UGDH: variants seen among roughly 807,000 people sequenced by gnomAD.
UGDH encodes UDP-Glc dehydrogenase.
UGDH carries 38 observed loss-of-function variants against 50.6 expected under a neutral mutation model. That is an observed-to-expected ratio of 0.75 (90% CI 0.58 to 0.98). UGDH has a LOEUF of 0.98. UGDH is among the 50% of genes least tolerant of loss of function. UGDH has a pLI of 0.00. For synonymous variants in UGDH, 168 were observed against 199.9 expected, an observed-to-expected ratio of 0.84 and a Z score of 1.35; for missense variants, 465 against 606.2, an observed-to-expected ratio of 0.77 and a Z score of 2.45.
rs147149677 is a variant in UGDH at position 39,507,920 on chromosome 4, G to T, written c.906+646C>A. On this transcript the variant is annotated intron_variant, in intron 7 of 11. Transcript: ENST00000316423. ...ATGGCACCACTGCATTCTAGCCTGG[G>T]TGACAAAGTGAGATCTTGTCTCAAA... Among the ~76,000 whole-genome samples, 384 of 148,444 alleles carry T rather than the reference G, an allele frequency of 2.6e-3. 1 individual carries two copies. Among genetic ancestry groups the T allele is most frequent in the Non-Finnish European group, 4.2e-3 (286 of 67,496 alleles).
intron 2 of UGDH, 148 bp downstream of exon 2, chr4:39,521,203 A>C (rs1219946635): frequency 1.4e-6 from 1 of 732,774 alleles, no homozygotes; most frequent in Non-Finnish European, 2.0e-6. Context: ...AATGTGTTTT[A>C]ATGTCCATGT....
chr4:39,513,000 GT>G (rs1194622538), intron 3 of UGDH, among the ~76,000 whole-genome samples: 1 of 151,948 alleles, frequency 6.6e-6, no homozygotes, highest in East Asian at 1.9e-4. Context: ...TAGAGACAGG[GT>G]TTCACCATGT....
chr4:39,518,580 G>T (rs1025292785), intron 2 of UGDH, among the ~76,000 whole-genome samples: 3 of 149,948 alleles, frequency 2.0e-5, no homozygotes, highest in Admixed American at 6.7e-5. Context: ...GCCTCCAAAA[G>T]TGCTGGGATT....
At chr4:39,505,490 ATATT>A (rs1745990544) in intron 8 of UGDH, 120 bp from the exon 9 acceptor site, 1 of 1,118,914 alleles carries the variant, frequency 8.9e-7, no homozygotes, top group Non-Finnish European at 1.2e-6. Flanking sequence ...GAAGATATGG[ATATT>A]TATTTTTATT....
At chr4:39,503,484 CTCTT>C (rs1745906468) in intron 11 of UGDH, among the ~76,000 whole-genome samples, 1 of 152,320 alleles carries the variant, frequency 6.6e-6, no homozygotes, top group East Asian at 1.9e-4. Flanking sequence ...TGACCAAGAC[CTCTT>C]TCTTTCTCTA....
intron 2 of UGDH, among the ~76,000 whole-genome samples, chr4:39,516,912 C>G (rs1002348503): frequency 8.6e-5 from 13 of 152,042 alleles, no homozygotes; most frequent in Non-Finnish European, 2.9e-5. Context: ...TTTAAAGTTA[C>G]TAAAATCAGA....
At position 39,527,407 on chromosome 4, in the gene UGDH, C is replaced by A; in HGVS notation, c.-132G>T. 4.0e-6 allele frequency: 1 copy of A among 247,010 alleles called. No individual in the cohort carries two copies. The highest frequency in any genetic ancestry group is 4.1e-5 in the South Asian group (1 of 24,628). 15.3% of individuals were successfully genotyped at this position (247,010 alleles called of 1,614,324 possible). A position where few individuals can be genotyped will look rare whatever the true frequency, so the allele number is the denominator to read the frequency against. On this transcript the variant is annotated 5_prime_UTR_variant, in exon 1 of 12. Transcript: ENST00000316423. The stretch of plus-strand genomic sequence containing the variant: ...GCTCGATCTGAGCTCCCTCTCGGCG[C>A]ACGCCCCTCCCTCAGGCTGCCACGC...
Position 39,514,926 on chromosome 4 carries a change from C to G in UGDH, c.163-742G>C, listed in dbSNP as rs539940910. The stretch of plus-strand genomic sequence containing the variant: ...TGAACTCCTGACCTCAGGTAATCCA[C>G]CTGCCTTGGCCTCCCAAAGTTCTGG... On this transcript the variant is annotated intron_variant, in intron 2 of 11. Transcript: ENST00000316423. Among the ~76,000 whole-genome samples the G allele has an allele frequency of 3.5e-4, 54 of 152,168 alleles. 1 individual carries two copies. The highest frequency in any genetic ancestry group is 1.2e-3 in the African/African-American group (50 of 41,488).
At chr4:39,504,540 A>C (rs989561217) in intron 9 of UGDH, 32 bp from the exon 10 acceptor site, 2 of 1,579,178 alleles carry the variant, frequency 1.3e-6, no homozygotes, top group African/African-American at 1.3e-5. Flanking sequence ...AAAAACAGAA[A>C]TAAGAAAGGA....
At chr4:39,508,011 G>A (rs1445009615) in intron 7 of UGDH, among the ~76,000 whole-genome samples, 1 of 151,024 alleles carries the variant, frequency 6.6e-6, no homozygotes, top group Non-Finnish European at 1.5e-5. Context: ...TACTCTGGGA[G>A]CAAATTAGAA....
chr4:39,510,857 T>A lies in UGDH; in HGVS notation c.269A>T (p.Asn90Ile). Residue 90 changes from asparagine to isoleucine, a missense_variant, in exon 4 of 12, where the codon AAT becomes ATT. Coordinates refer to ENST00000316423, the MANE Select transcript of UGDH (RefSeq NM_003359.4). Reference sequence around the variant, plus strand: ...CATTCCATAGGTTTTTGTTGGAGTATTCACCTGATGTAAGTATATGGGATA... The same window carrying A: ...CATTCCATAGGTTTTTGTTGGAGTAATCACCTGATGTAAGTATATGGGATA... ...KEADLVFISV[N>I]TPTKTYGMGK... The A allele has an allele frequency of 6.2e-7, 1 of 1,614,180 alleles. No homozygotes were observed. The highest frequency in any genetic ancestry group is 8.5e-7 in the Non-Finnish European group (1 of 1,180,040).
chr4:39,523,484 T>A (rs530725419), intron 1 of UGDH, among the ~76,000 whole-genome samples: 1 of 152,346 alleles, frequency 6.6e-6, no homozygotes, highest in South Asian at 2.1e-4. Flanking sequence ...AATAGTATTC[T>A]TAGCCATATG....
chr4:39,525,012 AT>A, intron 1 of UGDH, among the ~76,000 whole-genome samples: 1 of 152,346 alleles, frequency 6.6e-6, no homozygotes, highest in East Asian at 1.9e-4. Flanking sequence ...GCTATTTCCC[AT>A]GAAATACGGC....
At chr4:39,511,314 G>C (rs1279854766) in intron 3 of UGDH, among the ~76,000 whole-genome samples, 1 of 148,946 alleles carries the variant, frequency 6.7e-6, no homozygotes, top group Non-Finnish European at 1.5e-5. Flanking sequence ...AGGCTAGAGT[G>C]CAGTAGTGTA....
At chr4:39,502,732 G>C (rs1359369208) in intron 11 of UGDH, among the ~76,000 whole-genome samples, 1 of 152,100 alleles carries the variant, frequency 6.6e-6, no homozygotes, top group Non-Finnish European at 1.5e-5. Context: ...CTTTCCAAAT[G>C]TTCCATAATT....
At chr4:39,521,793 C>T (rs1482619105) in intron 1 of UGDH, among the ~76,000 whole-genome samples, 2 of 152,094 alleles carry the variant, frequency 1.3e-5, no homozygotes. Context: ...ATTATAATGA[C>T]CTAATATTTA....
chr4:39,527,089 A>G (rs1226343831), intron 1 of UGDH, 194 bp downstream of exon 1: 1 of 1,289,378 alleles, frequency 7.8e-7, no homozygotes, highest in Non-Finnish European at 1.0e-6. Context: ...CCACATCCCC[A>G]GGACAGCAGT....
rs1746203395 is a variant in UGDH at position 39,510,559 on chromosome 4, C to T, written c.466-9G>A. 1 of 1,614,080 alleles carries T rather than the reference C, an allele frequency of 6.2e-7. No individual in the cohort carries two copies. The highest frequency in any genetic ancestry group is 8.5e-7 in the Non-Finnish European group (1 of 1,179,992). Reference sequence around the variant, plus strand: ...TCAGGGTTGGACAGCACCTAGAATCCCAATGCAAAGGAAAGTTTTAAGCTA... The same window carrying T: ...TCAGGGTTGGACAGCACCTAGAATCTCAATGCAAAGGAAAGTTTTAAGCTA... On this transcript the variant is annotated splice_polypyrimidine_tract_variant and intron_variant, in intron 4 of 11. Coordinates refer to ENST00000316423, the MANE Select transcript of UGDH (RefSeq NM_003359.4).
chr4:39,509,271 C>G (rs909869502), intron 6 of UGDH, among the ~76,000 whole-genome samples: 1 of 151,982 alleles, frequency 6.6e-6, no homozygotes, highest in African/African-American at 2.4e-5. Flanking sequence ...TAGGCATGAG[C>G]TACTGTGCCT....
Sources: allele counts gnomAD v4.1 joint callset (sites outside exome capture counted in the v4.1 genomes callset), GRCh38; gene constraint gnomAD v4.1.1; transcripts MANE v1.5; gene names NCBI Gene and HGNC (gene_info 2026-07-23, HGNC 2026-07-21).